HIVEP1: variants seen among roughly 807,000 people sequenced by gnomAD.
The protein encoded by HIVEP1 is zinc finger protein 40.
Under a neutral mutation model 180.0 loss-of-function variants are expected in HIVEP1, and 36 were observed. The observed-to-expected ratio is 0.20, with a 90% CI of 0.15 to 0.26. The LOEUF (loss-of-function observed/expected upper bound fraction) is 0.26, where lower values mean the gene tolerates loss of function less well. Ranked by LOEUF, HIVEP1 falls within the 10% of genes least tolerant of loss-of-function variation. HIVEP1 has a pLI of 1.00. For synonymous variants in HIVEP1, 1,239 were observed against 1,239.0 expected (o/e 1.00, Z 0.00); for missense variants, 3,143 against 3,268.7 (o/e 0.96, Z 0.94).
intron 7 of HIVEP1, among the ~76,000 whole-genome samples, chr6:12,159,105 T>A (rs1416503637): frequency 2.6e-5 from 4 of 152,154 alleles, no homozygotes; most frequent in Non-Finnish European, 5.9e-5. Context: ...AGCTTGTGTC[T>A]CCTTAGATTT....
At chr6:12,042,709 T>C (rs1304502665) in intron 2 of HIVEP1, among the ~76,000 whole-genome samples, 1 of 152,054 alleles carries the variant, frequency 6.6e-6, no homozygotes, top group Non-Finnish European at 1.5e-5. Flanking sequence ...CTAATAGAAA[T>C]AGGTTTAGTT....
intron 2 of HIVEP1, among the ~76,000 whole-genome samples, chr6:12,072,917 G>T (rs1772079979): frequency 6.6e-6 from 1 of 151,508 alleles, no homozygotes; most frequent in Admixed American, 6.6e-5. Context: ...TCCCTTGTCT[G>T]CTGATTCCAA....
chr6:12,079,481 ATCAGCAGCAGCTTTGATAAGGCAGACAG>A (rs1772619882), intron 2 of HIVEP1, among the ~76,000 whole-genome samples: 1 of 152,192 alleles, frequency 6.6e-6, no homozygotes, highest in East Asian at 1.9e-4. Context: ...ATCCACTAAC[ATCAGCAGCAGCTTTGATAAGGCAGACAG>A]ATGCTGCTGC....
intron 2 of HIVEP1, among the ~76,000 whole-genome samples, chr6:12,083,879 G>T (rs1772948144): frequency 6.6e-6 from 1 of 152,058 alleles, no homozygotes; most frequent in Admixed American, 6.6e-5. Flanking sequence ...TATTTTCTGT[G>T]AATGTGCTTC....
At chr6:12,182,952 C>T in the HIVEP1 span, among the ~76,000 whole-genome samples, 41 of 152,096 alleles carry the variant, frequency 2.7e-4, no homozygotes, top group Admixed American at 2.7e-3. Context: ...GGATGCACAT[C>T]TCAGCACTGA....
chr6:12,100,569 A>C (rs910721638), intron 3 of HIVEP1, among the ~76,000 whole-genome samples: 2 of 152,184 alleles, frequency 1.3e-5, no homozygotes, highest in African/African-American at 4.8e-5. Context: ...AAAATCACTG[A>C]AGTCTTTGGA....
chr6:12,124,246 C>T lies in HIVEP1; in HGVS notation c.4451C>T (p.Ser1484Phe), dbSNP rs1163169515. 3.7e-6 allele frequency: 6 copies of T among 1,614,150 alleles called. No homozygotes were observed. Among genetic ancestry groups the T allele is most frequent in the Non-Finnish European group, 5.1e-6 (6 of 1,180,022 alleles). ...LAEFSANTLH[S>F]QTQVKDLQAE... ...GAGTTTTCTGCAAATACTTTGCACTCTCAGACTCAGGTTAAGGATCTGCAG... is the reference window on the plus strand; with the variant it reads ...GAGTTTTCTGCAAATACTTTGCACTTTCAGACTCAGGTTAAGGATCTGCAG... Residue 1484 changes from serine (S) to phenylalanine (F), a missense_variant, in exon 4 of 9, where the codon TCT becomes TTT. By Grantham distance (155) the Ser-to-Phe change is radical. Transcript: ENST00000379388.
intron 3 of HIVEP1, among the ~76,000 whole-genome samples, chr6:12,116,805 T>C (rs994183665): frequency 6.6e-6 from 1 of 152,186 alleles, no homozygotes; most frequent in African/African-American, 2.4e-5. Context: ...CTTGAGAATG[T>C]GGAAGACAGG....
At position 12,122,341 on chromosome 6, in the gene HIVEP1, C is replaced by T. The variant is rs1757727116; in HGVS notation, c.2546C>T (p.Ala849Val). 1.9e-6 allele frequency: 3 copies of T among 1,614,122 alleles called. No homozygotes were observed. The highest frequency in any genetic ancestry group is 2.7e-5 in the African/African-American group (2 of 74,952). ...SNSMPTTGYS[A>V]VPANIIPPPH... ...TCCATGCCGACCACAGGTTATTCAG[C>T]AGTACCTGCAAATATAATACCTCCT... is the stretch of plus-strand genomic sequence containing the variant. Residue 849 changes from alanine (A) to valine (V), a missense_variant, in exon 4 of 9, where the codon GCA becomes GTA. Physicochemically the swap from Ala to Val is moderately conservative, Grantham distance 64. Coordinates refer to ENST00000379388, the MANE Select transcript of HIVEP1 (RefSeq NM_002114.4).
chr6:12,019,986 T>C (rs761732059), intron 2 of HIVEP1, among the ~76,000 whole-genome samples: 2 of 152,220 alleles, frequency 1.3e-5, no homozygotes, highest in Non-Finnish European at 2.9e-5. Context: ...GATTTGAAAA[T>C]TAAGCCTGCA....
At chr6:12,185,739 G>A in the HIVEP1 span, among the ~76,000 whole-genome samples, 1 of 152,266 alleles carries the variant, frequency 6.6e-6, no homozygotes, top group East Asian at 1.9e-4. Flanking sequence ...AACACCAGTG[G>A]CCTATGTACC....
At chr6:12,076,927 T>G (rs1196252796) in intron 2 of HIVEP1, among the ~76,000 whole-genome samples, 2 of 152,128 alleles carry the variant, frequency 1.3e-5, no homozygotes, top group African/African-American at 4.8e-5. Flanking sequence ...AGAGAGGCCT[T>G]TTCAGAGTCT....
intron 2 of HIVEP1, among the ~76,000 whole-genome samples, chr6:12,085,169 G>A (rs1459895431): frequency 6.6e-6 from 1 of 152,064 alleles, no homozygotes; most frequent in African/African-American, 2.4e-5. Flanking sequence ...TATGAGCTAT[G>A]CAGCTCTAGA....
the HIVEP1 span, among the ~76,000 whole-genome samples, chr6:12,208,468 G>A: frequency 6.6e-6 from 1 of 152,312 alleles, no homozygotes; most frequent in South Asian, 2.1e-4. Context: ...CCTCCTTGCA[G>A]GGCGGTTCCA....
At chr6:12,111,006 CAG>C (rs756014193) in intron 3 of HIVEP1, among the ~76,000 whole-genome samples, 7 of 152,106 alleles carry the variant, frequency 4.6e-5, no homozygotes, top group Non-Finnish European at 8.8e-5. Context: ...CAAGGAGAGG[CAG>C]AGAGACGGGA....
intron 3 of HIVEP1, among the ~76,000 whole-genome samples, chr6:12,093,147 G>A (rs527634215): frequency 1.3e-3 from 199 of 152,212 alleles, no homozygotes; most frequent in Non-Finnish European, 2.3e-3. Context: ...CAGGCAAATG[G>A]CCTCCTGCTT....
chr6:12,182,469 C>T, the HIVEP1 span, among the ~76,000 whole-genome samples: 8,615 of 152,178 alleles, frequency 0.057, 810 homozygotes, highest in African/African-American at 0.2. Context: ...GTCCCATCCC[C>T]AACTAGCAGC....
the HIVEP1 span, among the ~76,000 whole-genome samples, chr6:12,180,731 C>T: frequency 9.2e-5 from 14 of 152,226 alleles, no homozygotes; most frequent in East Asian, 2.1e-3. Context: ...CTTCTTTTCC[C>T]TCTGGATCAC....
Position 12,119,964 on chromosome 6 carries a change from A to T in HIVEP1, c.169A>T (p.Asn57Tyr). 6.2e-7 allele frequency: 1 copy of T among 1,611,002 alleles called. No homozygotes were observed. The highest frequency in any genetic ancestry group is 8.5e-7 in the Non-Finnish European group (1 of 1,179,268). The change falls in exon 4 of 9, where the codon AAT becomes TAT. Residue 57 changes from asparagine (N) to tyrosine (Y), a missense_variant. Around this residue, in one of 12 missense-constraint regions of HIVEP1, gnomAD observed 114 missense variants for 134.5 expected, o/e 0.85. Transcript: ENST00000379388. The part of the protein sequence containing the change: ...GVKRKKIVAE[N>Y]HLKKIPKSPL... ...GAAACGCAAAAAGATCGTAGCTGAG[A>T]ATCACCTGAAAAAAATACCAAAATC...
Sources: gnomAD v4.1 joint callset for allele counts (sites outside exome capture counted in the v4.1 genomes callset) on GRCh38, gnomAD v4.1.1 for gene constraint, gnomAD v4.1.1 regional missense constraint, MANE v1.5 for transcripts, NCBI Gene and HGNC (gene_info 2026-07-23, HGNC 2026-07-21) for gene names.